The following SPAG16 variants were observed in gnomAD, a reference collection of about 807,000 sequenced individuals.
SPAG16 encodes sperm-associated antigen 16 protein.
Under a neutral mutation model 80.4 loss-of-function variants are expected in SPAG16, and 86 were observed. The ratio of observed to expected loss-of-function variants is 1.07; its 90% CI spans 0.90 to 1.28. The LOEUF (loss-of-function observed/expected upper bound fraction) is 1.28, where lower values mean the gene tolerates loss of function less well. SPAG16 is among the 50% of genes most tolerant of loss of function. The pLI, the probability that SPAG16 is intolerant of heterozygous loss-of-function variation, is 0.00. For missense variants in SPAG16, 870 were observed against 765.3 expected (o/e 1.14, Z -1.61); for synonymous variants, 294 against 265.9 (o/e 1.11, Z -1.03).
chr2:214,117,197 G>C (rs1412429939), intron 14 of SPAG16, among the ~76,000 whole-genome samples: 1 of 151,998 alleles, frequency 6.6e-6, no homozygotes, highest in East Asian at 1.9e-4. Context: ...TCCTGGAGCT[G>C]AAAAATATAA....
At chr2:213,780,983 ACCTGAAGG>A (rs1408909172) in intron 10 of SPAG16, among the ~76,000 whole-genome samples, 3 of 152,214 alleles carry the variant, frequency 2.0e-5, no homozygotes, top group Non-Finnish European at 2.9e-5. Flanking sequence ...CATTTGCTTT[ACCTGAAGG>A]CCCATGTCAA....
At chr2:214,031,050 C>T (rs185646782) in intron 13 of SPAG16, among the ~76,000 whole-genome samples, 1 of 152,084 alleles carries the variant, frequency 6.6e-6, no homozygotes, top group African/African-American at 2.4e-5. Context: ...AGTTTTTCTG[C>T]TCTGTTTTTT....
chr2:213,367,577 A>T (rs550763226), intron 8 of SPAG16, among the ~76,000 whole-genome samples: 1 of 152,230 alleles, frequency 6.6e-6, no homozygotes, highest in Non-Finnish European at 1.5e-5. Flanking sequence ...TGGCTGCATA[A>T]ATGTCTTCTT....
intron 10 of SPAG16, among the ~76,000 whole-genome samples, chr2:213,717,141 A>G (rs2066270758): frequency 6.6e-6 from 1 of 151,960 alleles, no homozygotes; most frequent in Non-Finnish European, 1.5e-5. Context: ...CAACTGTGAA[A>G]AGCAGAAACT....
rs532837309 is a variant in SPAG16 at position 213,520,255 on chromosome 2, G to A, written c.1070+30165G>A. 9.9e-5 allele frequency among the ~76,000 whole-genome samples: 15 copies of A among 152,132 alleles called. No individual in the cohort carries two copies. In the South Asian group the frequency reaches 1.5e-3, roughly 15 times the overall value. ...CCTCCAGAAGGAATATGCTGTGCTC[G>A]TACCTTGATTTCAGACTTATGGCCT... On this transcript the variant is annotated intron_variant, in intron 10 of 15. Transcript: ENST00000331683.
chr2:213,645,774 G>A (rs968668274), intron 10 of SPAG16, among the ~76,000 whole-genome samples: 5 of 152,094 alleles, frequency 3.3e-5, no homozygotes, highest in African/African-American at 7.2e-5. Context: ...CAGTAGTCAC[G>A]TGGCCCCCCC....
intron 3 of SPAG16, among the ~76,000 whole-genome samples, chr2:213,299,466 G>A (rs2062636866): frequency 6.6e-6 from 1 of 150,470 alleles, no homozygotes; most frequent in Non-Finnish European, 1.5e-5. Context: ...TTTTAGTAGA[G>A]ACGGGGTTTC....
chr2:214,280,382 C>T (rs1034486750), intron 15 of SPAG16, among the ~76,000 whole-genome samples: 1 of 151,982 alleles, frequency 6.6e-6, no homozygotes, highest in Admixed American at 6.6e-5. Flanking sequence ...TTTTAAAACT[C>T]GTATGGAAAT....
chr2:214,405,085 G>A (rs1701921929), intron 15 of SPAG16, among the ~76,000 whole-genome samples: 1 of 151,992 alleles, frequency 6.6e-6, no homozygotes, highest in African/African-American at 2.4e-5. Flanking sequence ...TTCATAAAGA[G>A]GCCCCAAAGT....
At chr2:213,473,498 G>T (rs548940104) in intron 9 of SPAG16, among the ~76,000 whole-genome samples, 1 of 152,254 alleles carries the variant, frequency 6.6e-6, no homozygotes, top group East Asian at 1.9e-4. Context: ...GGATGATTAG[G>T]TCTGAAGTGA....
chr2:214,115,478 C>T (rs2053886134), intron 14 of SPAG16, among the ~76,000 whole-genome samples: 1 of 152,190 alleles, frequency 6.6e-6, no homozygotes, highest in South Asian at 2.1e-4. Context: ...GAAAATTCTA[C>T]AATTTCAGAT....
intron 10 of SPAG16, among the ~76,000 whole-genome samples, chr2:213,541,412 A>C (rs567728468): frequency 2.6e-5 from 4 of 152,238 alleles, no homozygotes; most frequent in Admixed American, 6.5e-5. Context: ...TGAGGTCAGG[A>C]GTTTGAGACC....
intron 10 of SPAG16, among the ~76,000 whole-genome samples, chr2:213,553,187 A>T (rs888626817): frequency 6.6e-6 from 1 of 152,178 alleles, no homozygotes; most frequent in Non-Finnish European, 1.5e-5. Context: ...ACAAGGAGAC[A>T]CTAGCCTTCA....
chr2:213,633,601 G>A (rs1049428148), intron 10 of SPAG16, among the ~76,000 whole-genome samples: 1 of 152,090 alleles, frequency 6.6e-6, no homozygotes, highest in African/African-American at 2.4e-5. Context: ...AGTAAGATCT[G>A]TCCAATGCTG....
intron 10 of SPAG16, among the ~76,000 whole-genome samples, chr2:213,537,556 T>A (rs557335569): frequency 6.6e-6 from 1 of 151,874 alleles, no homozygotes; most frequent in East Asian, 1.9e-4. Context: ...ACTTGGAGAG[T>A]AATAGGGAGC....
At chr2:213,463,074 C>T (rs1240549727) in intron 9 of SPAG16, among the ~76,000 whole-genome samples, 1 of 152,172 alleles carries the variant, frequency 6.6e-6, no homozygotes, top group Non-Finnish European at 1.5e-5. Flanking sequence ...AAATGAGGAA[C>T]TTGTTGGGAA....
Position 213,545,129 on chromosome 2 carries a change from T to C in SPAG16, c.1070+55039T>C, listed in dbSNP as rs367718091. Among the ~76,000 whole-genome samples, 199 of 152,266 alleles carry C rather than the reference T, an allele frequency of 1.3e-3. 1 individual carries two copies. The highest frequency in any genetic ancestry group is 9.7e-3 in the South Asian group (47 of 4,830). On this transcript the variant is annotated intron_variant, in intron 10 of 15. Transcript: ENST00000331683. Reference sequence around the variant, plus strand: ...GAAGTAGAGTTTCTGTTGATCCACATCCTTACCAGCATTTTGTGGTTTATG... The same window carrying C: ...GAAGTAGAGTTTCTGTTGATCCACACCCTTACCAGCATTTTGTGGTTTATG...
At chr2:213,481,944 C>T (rs2073770345) in intron 9 of SPAG16, among the ~76,000 whole-genome samples, 1 of 152,144 alleles carries the variant, frequency 6.6e-6, no homozygotes, top group African/African-American at 2.4e-5. Flanking sequence ...CACTGAAATA[C>T]ATACTATAAT....
At chr2:213,767,623 G>A (rs2069006434) in intron 10 of SPAG16, among the ~76,000 whole-genome samples, 2 of 147,716 alleles carry the variant, frequency 1.4e-5, no homozygotes, top group African/African-American at 5.0e-5. Context: ...GTGAGATCTT[G>A]TCTTTTTGAA....
Sources: allele counts gnomAD v4.1 joint callset (sites outside exome capture counted in the v4.1 genomes callset), GRCh38; gene constraint gnomAD v4.1.1; transcripts MANE v1.5; gene names NCBI Gene and HGNC (gene_info 2026-07-23, HGNC 2026-07-21).